PXDN: variants seen among roughly 807,000 people sequenced by gnomAD.
The protein encoded by PXDN is peroxidasin homolog.
In PXDN, 77 loss-of-function variants were observed where a neutral mutation model predicts 140.3. That is an observed-to-expected ratio of 0.55 (90% CI 0.46 to 0.66). PXDN has a LOEUF of 0.66. Ranked by LOEUF, PXDN falls within the 30% of genes least tolerant of loss-of-function variation. The pLI, the probability that PXDN is intolerant of heterozygous loss-of-function variation, is 0.00. For missense variants in PXDN, 1,838 were observed against 2,039.5 expected (o/e 0.90, Z 1.90); for synonymous variants, 911 against 857.4 (o/e 1.06, Z -1.09).
rs1684015934 is a variant in PXDN at position 1,685,004 on chromosome 2, C to A, written c.417-853G>T. ...CAAAATGAGCAAAGAAGCAGCATGC[C>A]AGCGTTCACAGGTCTTCATAACTCC... On this transcript the variant is annotated intron_variant, in intron 4 of 22. Transcript: ENST00000252804. This position sits in a 1 kb window ranked among gnomAD's most constrained non-coding sequence, Gnocchi z 5.1. 6.6e-6 allele frequency among the ~76,000 whole-genome samples: 1 copy of A among 152,186 alleles called. No individual in the cohort carries two copies. Among genetic ancestry groups the A allele is most frequent in the African/African-American group, 2.4e-5 (1 of 41,456 alleles).
At chr2:1,677,964 T>G (rs1197487811) in intron 7 of PXDN, among the ~76,000 whole-genome samples, 3 of 152,180 alleles carry the variant, frequency 2.0e-5, no homozygotes, top group Non-Finnish European at 4.4e-5. Context: ...TGCTCAGTGC[T>G]GCCATTCTGC....
At chr2:1,716,695 T>C (rs1684904476) in intron 1 of PXDN, among the ~76,000 whole-genome samples, 1 of 152,150 alleles carries the variant, frequency 6.6e-6, no homozygotes, top group South Asian at 2.1e-4. Context: ...GGGCCCACAG[T>C]GAGGTCCTGT....
At chr2:1,736,273 T>C (rs909871949) in intron 1 of PXDN, among the ~76,000 whole-genome samples, 1 of 152,186 alleles carries the variant, frequency 6.6e-6, no homozygotes, top group Non-Finnish European at 1.5e-5. Context: ...TAATCATTTA[T>C]AGCTTTTGAT....
In PXDN at chr2:1,632,168, G is replaced by T. The variant is rs1163491858; in HGVS notation, c.*2036C>A. ...TGGTTTGAATTACAGAATTTTTTTT[G>T]GTAAATCACAGTCAGCTTCCCCCTT... On this transcript the variant is annotated 3_prime_UTR_variant, in exon 23 of 23. Coordinates refer to ENST00000252804, the MANE Select transcript of PXDN (RefSeq NM_012293.3). The surrounding 1 kb of genome is among the most constrained non-coding windows in gnomAD (Gnocchi z 4.3). 6.6e-6 allele frequency: 1 copy of T among 152,032 alleles called. No individual in the cohort carries two copies. The highest frequency in any genetic ancestry group is 1.9e-4 in the East Asian group (1 of 5,176). The allele number at this position is 152,032 out of a possible 1,614,324, so 9.4% of individuals were successfully genotyped here.
In PXDN at chr2:1,687,838, C is replaced by A. The variant is rs1335243431; in HGVS notation, c.345-135G>T. On this transcript the variant is annotated intron_variant, in intron 3 of 22. Coordinates refer to ENST00000252804, the MANE Select transcript of PXDN (RefSeq NM_012293.3). This position sits in a 1 kb window ranked among gnomAD's most constrained non-coding sequence, Gnocchi z 4.0. ...TATTAGAATGCAAACAAACCATCTG[C>A]ACGGTGAGTACAGTGCCTCTCCCAA... is the stretch of plus-strand genomic sequence containing the variant. 3.1e-6 allele frequency: 2 copies of A among 647,112 alleles called. No individual in the cohort carries two copies. Among genetic ancestry groups the A allele is most frequent in the African/African-American group, 1.8e-5 (1 of 55,794 alleles). 40.1% of individuals were successfully genotyped at this position (647,112 alleles called of 1,614,324 possible).
rs192754452 is a variant in PXDN at position 1,680,852 on chromosome 2, G to A, written c.561-490C>T. ...CGGCCTGAGGCTTCCCAGGCAGTGTGGGAAGGGGGGCTGCATCTCCTGGCT... is the reference window on the plus strand; with the variant it reads ...CGGCCTGAGGCTTCCCAGGCAGTGTAGGAAGGGGGGCTGCATCTCCTGGCT... On this transcript the variant is annotated intron_variant, in intron 6 of 22. Coordinates refer to ENST00000252804, the MANE Select transcript of PXDN (RefSeq NM_012293.3). Among the ~76,000 whole-genome samples, 389 of 152,260 alleles carry A rather than the reference G, an allele frequency of 2.6e-3. 2 individuals are homozygous for A. The highest frequency in any genetic ancestry group is 9.0e-3 in the African/African-American group (373 of 41,556).
At chr2:1,737,087 T>G (rs1685438589) in intron 1 of PXDN, among the ~76,000 whole-genome samples, 1 of 152,162 alleles carries the variant, frequency 6.6e-6, no homozygotes, top group Non-Finnish European at 1.5e-5. Context: ...TGCTCAGACG[T>G]GCAGGGCATC....
chr2:1,725,781 A>G (rs1409551859), intron 1 of PXDN, among the ~76,000 whole-genome samples: 1 of 152,212 alleles, frequency 6.6e-6, no homozygotes, highest in Non-Finnish European at 1.5e-5. Flanking sequence ...ATGAACAGAC[A>G]CTTCTCAAAA....
chr2:1,632,137 A>C lies in PXDN; in HGVS notation c.*2067T>G, dbSNP rs1682426152. The C allele has an allele frequency of 6.6e-6, 1 of 152,388 alleles. No homozygotes were observed. Among genetic ancestry groups the C allele is most frequent in the South Asian group, 2.1e-4 (1 of 4,832 alleles). 9.4% of individuals were successfully genotyped at this position (152,388 alleles called of 1,614,324 possible). On this transcript the variant is annotated 3_prime_UTR_variant, in exon 23 of 23. Transcript: ENST00000252804. The surrounding 1 kb of genome is among the most constrained non-coding windows in gnomAD (Gnocchi z 4.3). ...GAGTATCAAACTGGTGATTCCGCAG[A>C]CATTTTGGTTTGAATTACAGAATTT...
rs1237226434 is a variant in PXDN, at chr2:1,637,871, ACT to A, written c.4206+973_4206+974del. ...TGTCCACTCTGACAGCTGCCTGGGG[ACT>A]TGCACCTGGTCTCTAGGTTGCGGAG... On this transcript the variant is annotated intron_variant, in intron 21 of 22. Transcript: ENST00000252804. Among the ~76,000 whole-genome samples, 65 of 11,290 alleles carry A rather than the reference ACT, an allele frequency of 5.8e-3. 7 individuals carry two copies. Among genetic ancestry groups the A allele is most frequent in the South Asian group, 0.034 (4 of 118 alleles). The allele number at this position is 11,290 out of a possible 152,430, so 7.4% of individuals were successfully genotyped here.
chr2:1,648,130 G>A lies in PXDN; in HGVS notation c.3608+42C>T, dbSNP rs1682896783. The A allele has an allele frequency of 6.3e-7, 1 of 1,581,716 alleles. No homozygotes were observed. The highest frequency in any genetic ancestry group is 8.6e-7 in the Non-Finnish European group (1 of 1,159,504). ...ACACCACAGTTCAGGTGTTCCAGGT[G>A]CCTAGGTACACGAGCCATCCCACAC... is the stretch of plus-strand genomic sequence containing the variant. On this transcript the variant is annotated intron_variant, in intron 17 of 22. Coordinates refer to ENST00000252804, the MANE Select transcript of PXDN (RefSeq NM_012293.3). The surrounding 1 kb of genome is among the most constrained non-coding windows in gnomAD (Gnocchi z 8.9).
intron 1 of PXDN, among the ~76,000 whole-genome samples, chr2:1,729,564 T>TGGGGGGGGG (rs987021871): frequency 7.6e-6 from 1 of 131,338 alleles, no homozygotes; most frequent in African/African-American, 3.8e-5. Context: ...TACAGCAGGG[T>TGGGGGGGGG]GGGGGAGGGG....
chr2:1,679,642 ATAAATGGTGTGTGTG>A (rs1401199326), intron 7 of PXDN, among the ~76,000 whole-genome samples: 4 of 140,244 alleles, frequency 2.9e-5, no homozygotes, highest in Non-Finnish European at 4.5e-5. Context: ...GTGTGTGTCT[ATAAATGGTGTGTGTG>A]TAAATGGTGT....
intron 1 of PXDN, among the ~76,000 whole-genome samples, chr2:1,711,469 C>T (rs1684776487): frequency 1.2e-5 from 1 of 84,760 alleles, no homozygotes; most frequent in Non-Finnish European, 2.5e-5. Context: ...TCCACCAGCA[C>T]CCGCTCCACC....
Position 1,660,883 on chromosome 2 carries a change from T to C in PXDN, c.1835A>G (p.Asn612Ser), listed in dbSNP as rs745950397. Reference sequence around the variant, plus strand: ...GATGTGGGCATGTGGCATCTTACCATTCACACTGAGCACCATGCTCACCGA... The same window carrying C: ...GATGTGGGCATGTGGCATCTTACCACTCACACTGAGCACCATGCTCACCGA... Reference protein sequence around the residue: ...SASVSMVLSVNVPDVSRNGDP... With the variant: ...SASVSMVLSVSVPDVSRNGDP... Residue 612 changes from asparagine (N) to serine (S), a missense_variant and splice_region_variant, in exon 14 of 23, where the codon AAT becomes AGT. Transcript: ENST00000252804. The surrounding 1 kb of genome is among the most constrained non-coding windows in gnomAD (Gnocchi z 4.6). 5 of 1,609,618 alleles carry C rather than the reference T, an allele frequency of 3.1e-6. No individual in the cohort carries two copies. The highest frequency in any genetic ancestry group is 3.4e-6 in the Non-Finnish European group (4 of 1,176,874).
rs774207960 is a variant in PXDN, at chr2:1,676,915, G to T, written c.848+12C>A. On this transcript the variant is annotated intron_variant, in intron 8 of 22. Coordinates refer to ENST00000252804, the MANE Select transcript of PXDN (RefSeq NM_012293.3). Reference sequence around the variant, plus strand: ...AGATGCACAGGGGCATTTCTGTTTGGCCCCAACTCACTTGTTTCGCAGCCA... The same window carrying T: ...AGATGCACAGGGGCATTTCTGTTTGTCCCCAACTCACTTGTTTCGCAGCCA... 6.2e-7 allele frequency: 1 copy of T among 1,604,106 alleles called. No individual in the cohort carries two copies. The highest frequency in any genetic ancestry group is 8.5e-7 in the Non-Finnish European group (1 of 1,175,080).
chr2:1,696,006 C>G (rs1402833426), intron 1 of PXDN, among the ~76,000 whole-genome samples: 2 of 152,124 alleles, frequency 1.3e-5, no homozygotes, highest in Non-Finnish European at 2.9e-5. Context: ...CTGTCCCATC[C>G]ACAGGCCCCT....
intron 19 of PXDN, among the ~76,000 whole-genome samples, chr2:1,640,627 C>G (rs1682703152): frequency 6.6e-6 from 1 of 152,226 alleles, no homozygotes; most frequent in South Asian, 2.1e-4. Context: ...TTCTTCCACC[C>G]ACAAATCGTC....
In PXDN at chr2:1,666,316, G is replaced by C; in HGVS notation, c.1189C>G (p.Leu397Val). The C allele has an allele frequency of 1.2e-6, 2 of 1,614,050 alleles. No homozygotes were observed. Among genetic ancestry groups the C allele is most frequent in the Non-Finnish European group, 1.7e-6 (2 of 1,179,904 alleles). ...CCCTGTACGACGTTCTGTATGTAAAGCCCGCCAGAAGGCGTGATGTTCACC... is the reference window on the plus strand; with the variant it reads ...CCCTGTACGACGTTCTGTATGTAAACCCCGCCAGAAGGCGTGATGTTCACC... ...PRVNITPSGG[L>V]YIQNVVQGDS... The change falls in exon 10 of 23, where the codon CTT becomes GTT. Residue 397 changes from leucine (L) to valine (V), a missense_variant. This residue lies in a region of PXDN where 208 missense variants were observed against 325.8 expected (regional missense o/e 0.64). Transcript: ENST00000252804.
Sources: allele counts gnomAD v4.1 joint callset (sites outside exome capture counted in the v4.1 genomes callset), GRCh38; gene constraint gnomAD v4.1.1; regional missense constraint gnomAD v4.1.1; non-coding constraint Gnocchi (gnomAD v3.1); transcripts MANE v1.5; gene names NCBI Gene and HGNC (gene_info 2026-07-23, HGNC 2026-07-21).